Variants in STXBP6 observed in about 807,000 individuals in gnomAD.
STXBP6 encodes the protein syntaxin binding protein 6, also known as syntaxin-binding protein 6.
In STXBP6, 21 loss-of-function variants were observed where a neutral mutation model predicts 26.9. That is an observed-to-expected ratio of 0.78 (90% CI 0.55 to 1.12). STXBP6 has a LOEUF of 1.12. Among genes scored for constraint, STXBP6 ranks in the 50% most tolerant of loss-of-function variants. STXBP6 has a pLI of 0.00. For missense variants in STXBP6, 232 were observed against 257.9 expected, an observed-to-expected ratio of 0.90 and a Z score of 0.69; for synonymous variants, 97 against 92.6, an observed-to-expected ratio of 1.05 and a Z score of -0.27.
rs1256557040 is a variant in STXBP6 at position 25,044,844 on chromosome 14, A to C, written c.-33+5034T>G. On this transcript the variant is annotated intron_variant, in intron 1 of 5. Coordinates refer to ENST00000323944, the MANE Select transcript of STXBP6 (RefSeq NM_001394410.1). ...CTGAAAATTATTTATATGCAGGCAC[A>C]AATGCAAGTCTTTACTCCTGCTTCA... Among the ~76,000 whole-genome samples, 8 of 152,316 alleles carry C rather than the reference A, an allele frequency of 5.3e-5. No homozygotes were observed. The East Asian group carries it at 1.5e-3, about 29-fold the overall frequency.
At chr14:24,934,546 A>C (rs910491828) in intron 2 of STXBP6, among the ~76,000 whole-genome samples, 9 of 152,204 alleles carry the variant, frequency 5.9e-5, no homozygotes, top group Admixed American at 5.2e-4. Flanking sequence ...CCATGATGAC[A>C]TCCAGCCTAT....
At chr14:24,989,572 C>A (rs1054324940) in intron 1 of STXBP6, among the ~76,000 whole-genome samples, 1 of 152,184 alleles carries the variant, frequency 6.6e-6, no homozygotes, top group Non-Finnish European at 1.5e-5. Context: ...ACAAAGCAGG[C>A]TCTGAAGAAA....
At chr14:25,002,399 G>A (rs139192608) in intron 1 of STXBP6, among the ~76,000 whole-genome samples, 1,658 of 123,958 alleles carry the variant, frequency 0.013, 21 homozygotes, top group African/African-American at 0.053. Flanking sequence ...TCGCTCTGTC[G>A]CCCAGGCTGG....
intron 2 of STXBP6, among the ~76,000 whole-genome samples, chr14:24,963,354 T>C (rs1183141574): frequency 1.3e-5 from 2 of 152,212 alleles, no homozygotes; most frequent in Non-Finnish European, 2.9e-5. Context: ...AGGTATATTC[T>C]TGCTATCTTG....
At chr14:24,981,310 G>A (rs1193296877) in intron 1 of STXBP6, among the ~76,000 whole-genome samples, 1 of 151,376 alleles carries the variant, frequency 6.6e-6, no homozygotes, top group Non-Finnish European at 1.5e-5. Flanking sequence ...TCTCACTGTT[G>A]CCCAGGCTGG....
At chr14:24,864,301 T>G (rs1015300138) in intron 2 of STXBP6, among the ~76,000 whole-genome samples, 1 of 152,198 alleles carries the variant, frequency 6.6e-6, no homozygotes, top group African/African-American at 2.4e-5. Flanking sequence ...TTTAACATTA[T>G]CCATTATATA....
intron 4 of STXBP6, among the ~76,000 whole-genome samples, chr14:24,839,770 A>G (rs762422155): frequency 6.6e-6 from 1 of 152,202 alleles, no homozygotes; most frequent in East Asian, 1.9e-4. Flanking sequence ...CTTCTTTACA[A>G]ATGAGAAAAC....
intron 2 of STXBP6, among the ~76,000 whole-genome samples, chr14:24,967,211 A>C (rs2073761702): frequency 6.6e-6 from 1 of 152,232 alleles, no homozygotes; most frequent in Non-Finnish European, 1.5e-5. Flanking sequence ...GCACTGCTGT[A>C]AGGATTAAAG....
chr14:24,982,879 A>G (rs2074234832), intron 1 of STXBP6, among the ~76,000 whole-genome samples: 1 of 152,250 alleles, frequency 6.6e-6, no homozygotes, highest in Non-Finnish European at 1.5e-5. Context: ...TTCACAAATG[A>G]TATGACAAAG....
At chr14:24,816,179 C>G (rs118009357) in intron 5 of STXBP6, 1 of 152,360 alleles carries the variant, frequency 6.6e-6, no homozygotes, top group East Asian at 1.9e-4. Flanking sequence ...GCTCAGGACT[C>G]TGCCATGTGT....
At chr14:24,899,668 C>A (rs2071129352) in intron 2 of STXBP6, among the ~76,000 whole-genome samples, 1 of 151,336 alleles carries the variant, frequency 6.6e-6, no homozygotes, top group Admixed American at 6.6e-5. Flanking sequence ...CTAATCCCAG[C>A]TACTCAGGGG....
At chr14:24,958,899 T>A (rs2073430085) in intron 2 of STXBP6, among the ~76,000 whole-genome samples, 1 of 152,164 alleles carries the variant, frequency 6.6e-6, no homozygotes, top group African/African-American at 2.4e-5. Context: ...AGAAGAGTCC[T>A]TAAGTATCAA....
intron 1 of STXBP6, among the ~76,000 whole-genome samples, chr14:25,032,272 T>G (rs1241404121): frequency 6.6e-6 from 1 of 152,022 alleles, no homozygotes; most frequent in African/African-American, 2.4e-5. Flanking sequence ...GGTTTTAAGG[T>G]TGGTGGTGAG....
At chr14:24,843,057 T>C (rs2068833925) in intron 4 of STXBP6, among the ~76,000 whole-genome samples, 2 of 152,300 alleles carry the variant, frequency 1.3e-5, no homozygotes, top group Middle Eastern at 3.4e-3. Flanking sequence ...AAAGAACAGA[T>C]TCTGGAGATA....
chr14:24,813,867 G>C (rs2138669554), intron 5 of STXBP6, among the ~76,000 whole-genome samples: 1 of 152,244 alleles, frequency 6.6e-6, no homozygotes, highest in Admixed American at 6.5e-5. Context: ...TAACCCTGGG[G>C]CTGCCATCTC....
chr14:25,038,318 C>A lies in STXBP6; in HGVS notation c.-33+11560G>T, dbSNP rs368756977. Among the ~76,000 whole-genome samples the A allele has an allele frequency of 8.5e-5, 13 of 152,310 alleles. No homozygotes were observed. The East Asian group carries it at 1.9e-3, about 23-fold the overall frequency. On this transcript the variant is annotated intron_variant, in intron 1 of 5. Coordinates refer to ENST00000323944, the MANE Select transcript of STXBP6 (RefSeq NM_001394410.1). ...CACACTGGAGAACTGGCTGTACTCA[C>A]TAAAGCTGAACATATTCACATCTTA...
rs2067778035 is a variant in STXBP6, at chr14:24,810,073, G to GT, written c.*2635dup. On this transcript the variant is annotated 3_prime_UTR_variant, in exon 6 of 6. Transcript: ENST00000323944. ...ATAACTGCATACTTTCTGTACACAG[G>GT]TATCTAATAATACTAGTGAGAAATA... 1 of 152,268 alleles carries GT rather than the reference G, an allele frequency of 6.6e-6. No individual in the cohort carries two copies. The highest frequency in any genetic ancestry group is 2.1e-4 in the South Asian group (1 of 4,822). 9.4% of individuals were successfully genotyped at this position (152,268 alleles called of 1,614,324 possible). A position where few individuals can be genotyped will look rare whatever the true frequency, so the allele number is the denominator to read the frequency against.
At chr14:25,027,299 A>ATGGAG in intron 1 of STXBP6, among the ~76,000 whole-genome samples, 1 of 150,876 alleles carries the variant, frequency 6.6e-6, no homozygotes, top group South Asian at 2.1e-4. Context: ...TCTGGGTCAC[A>ATGGAG]TTTTGATAAT....
At position 25,049,521 on chromosome 14, in the gene STXBP6, A is replaced by G. The variant is rs138931318; in HGVS notation, c.-33+357T>C. 821 of 985,354 alleles carry G rather than the reference A, an allele frequency of 8.3e-4. 5 individuals carry two copies. The African/African-American group carries it at 0.013, about 15-fold the overall frequency. The allele number at this position is 985,354 out of a possible 1,614,324, so 61.0% of individuals were successfully genotyped here. A position where few individuals can be genotyped will look rare whatever the true frequency, so the allele number is the denominator to read the frequency against. On this transcript the variant is annotated intron_variant, in intron 1 of 5. Coordinates refer to ENST00000323944, the MANE Select transcript of STXBP6 (RefSeq NM_001394410.1). The surrounding 1 kb of genome is among the most constrained non-coding windows in gnomAD (Gnocchi z 5.6). Reference sequence around the variant, plus strand: ...CCTCGGGGCAGCATTCTCGGGGCCCATGCCATCGCGGGGACGGTGCGGAAA... The same window carrying G: ...CCTCGGGGCAGCATTCTCGGGGCCCGTGCCATCGCGGGGACGGTGCGGAAA...
Sources: allele counts gnomAD v4.1 joint callset (sites outside exome capture counted in the v4.1 genomes callset), GRCh38; gene constraint gnomAD v4.1.1; non-coding constraint Gnocchi (gnomAD v3.1); transcripts MANE v1.5; gene names NCBI Gene and HGNC (gene_info 2026-07-23, HGNC 2026-07-21).